Variants in RANBP2 observed in about 807,000 individuals in gnomAD.
RANBP2 encodes the protein E3 SUMO-protein ligase RanBP2.
Under a neutral mutation model 303.6 loss-of-function variants are expected in RANBP2, and 57 were observed. The ratio of observed to expected loss-of-function variants is 0.19; its 90% CI spans 0.15 to 0.23. The LOEUF (loss-of-function observed/expected upper bound fraction) is 0.23. Among genes scored for constraint, RANBP2 ranks in the 10% least tolerant of loss-of-function variants. The probability of loss-of-function intolerance (pLI) is 1.00; values close to 1 mark genes in which losing one functional copy is unlikely to be tolerated. For missense variants in RANBP2, 3,138 were observed against 3,780.8 expected, an observed-to-expected ratio of 0.83 and a Z score of 4.46; for synonymous variants, 1,167 against 1,301.5, an observed-to-expected ratio of 0.90 and a Z score of 2.23.
At chr2:109,672,876 AAT>A in the RANBP2 span, among the ~76,000 whole-genome samples, 1 of 152,228 alleles carries the variant, frequency 6.6e-6, no homozygotes, top group Non-Finnish European at 1.5e-5. Flanking sequence ...TGTGTTTCTC[AAT>A]ACATTGCCTC....
chr2:109,317,268 A>G, the RANBP2 span, among the ~76,000 whole-genome samples: 99 of 152,142 alleles, frequency 6.5e-4, no homozygotes, highest in African/African-American at 2.0e-3. Flanking sequence ...TTGTGCACAG[A>G]TAGCGTCAAG....
At chr2:109,608,244 T>C in the RANBP2 span, among the ~76,000 whole-genome samples, 3 of 152,222 alleles carry the variant, frequency 2.0e-5, no homozygotes, top group Non-Finnish European at 4.4e-5. Context: ...ACAGCTTCTA[T>C]TTGTCCATGA....
rs749273288 is a variant in RANBP2 at position 108,765,387 on chromosome 2, A to G, written c.4848A>G (p.Leu1616=). ...GACAGTGGGATTGCAGTGTGTGCTT[A>G]GTAAGAAATGAAGCCAGTGCTACCA... The part of the protein sequence containing the change: ...KEGQWDCSVC[L]VRNEASATKC... Residue 1616 remains leucine (L), a synonymous_variant, in exon 20 of 29, where the codon TTA becomes TTG. Coordinates refer to ENST00000283195, the MANE Select transcript of RANBP2 (RefSeq NM_006267.5). 4 of 1,245,396 alleles carry G rather than the reference A, an allele frequency of 3.2e-6. No homozygotes were observed. Among genetic ancestry groups the G allele is most frequent in the Non-Finnish European group, 4.7e-6 (4 of 850,610 alleles). The allele number at this position is 1,245,396 out of a possible 1,614,324, so 77.1% of individuals were successfully genotyped here.
chr2:109,186,703 C>G, the RANBP2 span, among the ~76,000 whole-genome samples: 1 of 152,308 alleles, frequency 6.6e-6, no homozygotes, highest in East Asian at 1.9e-4. Context: ...AAAGGAGCCA[C>G]ACACACAGCT....
At chr2:109,222,900 A>G in the RANBP2 span, among the ~76,000 whole-genome samples, 2 of 152,208 alleles carry the variant, frequency 1.3e-5, no homozygotes, top group Non-Finnish European at 2.9e-5. Context: ...TGTATCCCAC[A>G]TGGGGACTCA....
the RANBP2 span, among the ~76,000 whole-genome samples, chr2:109,369,576 T>C: frequency 1.3e-5 from 2 of 151,848 alleles, no homozygotes; most frequent in East Asian, 1.9e-4. Flanking sequence ...AAGCTGGGGG[T>C]TGGGGGAGAG....
chr2:108,942,236 C>T, the RANBP2 span, among the ~76,000 whole-genome samples: 8 of 152,302 alleles, frequency 5.3e-5, no homozygotes, highest in African/African-American at 1.7e-4. Context: ...GAGTCAATGG[C>T]GGCTCAGAGA....
chr2:109,514,853 C>T, the RANBP2 span, among the ~76,000 whole-genome samples: 2 of 152,156 alleles, frequency 1.3e-5, no homozygotes, highest in Admixed American at 6.5e-5. Flanking sequence ...GTCACTTTCT[C>T]ACTGCCTCCT....
the RANBP2 span, among the ~76,000 whole-genome samples, chr2:109,234,658 T>G: frequency 1.3e-5 from 2 of 152,228 alleles, 1 homozygote; most frequent in Non-Finnish European, 2.9e-5. Flanking sequence ...GGGCTCTGCT[T>G]CTTGTTGATC....
At chr2:109,028,026 C>T in the RANBP2 span, among the ~76,000 whole-genome samples, 1 of 152,182 alleles carries the variant, frequency 6.6e-6, no homozygotes, top group South Asian at 2.1e-4. Context: ...TTCCAGCACA[C>T]TGGGGGGCCA....
chr2:109,691,781 G>GTT, the RANBP2 span, among the ~76,000 whole-genome samples: 5 of 147,852 alleles, frequency 3.4e-5, no homozygotes, highest in East Asian at 4.0e-4. Flanking sequence ...TTCATGATCA[G>GTT]TTTTTTTGGT....
At chr2:108,821,192 T>C in the RANBP2 span, among the ~76,000 whole-genome samples, 1 of 152,086 alleles carries the variant, frequency 6.6e-6, no homozygotes, top group Non-Finnish European at 1.5e-5. Context: ...ACCCCATCTC[T>C]ACTAAAAGTA....
the RANBP2 span, among the ~76,000 whole-genome samples, chr2:109,248,086 A>G: frequency 2.6e-5 from 4 of 152,178 alleles, no homozygotes; most frequent in East Asian, 7.7e-4. Context: ...AATCAATTGG[A>G]GGCTGTTACT....
chr2:109,178,413 CT>C, the RANBP2 span, among the ~76,000 whole-genome samples: 2 of 151,836 alleles, frequency 1.3e-5, no homozygotes, highest in Non-Finnish European at 2.9e-5. Context: ...CTTTAGTTTC[CT>C]TTTTTTTATT....
At chr2:108,782,908 C>T (rs529357710) in intron 28 of RANBP2, 46 bp downstream of exon 28, 3 of 1,487,680 alleles carry the variant, frequency 2.0e-6, no homozygotes, top group Admixed American at 1.7e-5. Context: ...TTGAAGAGTG[C>T]ACCACACTAA....
At chr2:108,806,692 C>T in the RANBP2 span, among the ~76,000 whole-genome samples, 1 of 152,146 alleles carries the variant, frequency 6.6e-6, no homozygotes. Flanking sequence ...GCATATTTAG[C>T]CAGCTCCTGG....
the RANBP2 span, chr2:109,432,807 C>G: frequency 8.1e-7 from 1 of 1,232,544 alleles, no homozygotes; most frequent in African/African-American, 1.5e-5. Context: ...AGGGTTCAGC[C>G]CCCACTGGCG....
the RANBP2 span, among the ~76,000 whole-genome samples, chr2:109,540,815 G>T: frequency 2.3e-5 from 2 of 87,490 alleles, no homozygotes; most frequent in Non-Finnish European, 2.4e-5. Context: ...AAAAAAAAAA[G>T]CTACACATTA....
the RANBP2 span, among the ~76,000 whole-genome samples, chr2:108,803,273 G>A: frequency 9.2e-5 from 14 of 152,258 alleles, no homozygotes; most frequent in Non-Finnish European, 1.3e-4. Context: ...GTACAGGTTC[G>A]TAAACACCAG....
Sources: allele counts gnomAD v4.1 joint callset (sites outside exome capture counted in the v4.1 genomes callset), GRCh38; gene constraint gnomAD v4.1.1; transcripts MANE v1.5; gene names NCBI Gene and HGNC (gene_info 2026-07-23, HGNC 2026-07-21).